MGMT: variants seen among roughly 807,000 people sequenced by gnomAD.
MGMT encodes the protein methylated-DNA--protein-cysteine methyltransferase.
A neutral mutation model predicts 15.9 loss-of-function variants in MGMT; 14 were observed. The observed-to-expected ratio is 0.88, with a 90% CI of 0.58 to 1.37. The LOEUF is 1.37. Among genes scored for constraint, MGMT ranks in the 40% most tolerant of loss-of-function variants. The pLI, the probability that MGMT is intolerant of heterozygous loss-of-function variation, is 0.00. For missense variants in MGMT, 282 were observed against 268.1 expected (o/e 1.05, Z -0.36); for synonymous variants, 130 against 118.2 (o/e 1.10, Z -0.65).
chr10:129,552,807 A>C (rs1455689269), intron 2 of MGMT, among the ~76,000 whole-genome samples: 4 of 152,216 alleles, frequency 2.6e-5, no homozygotes, highest in Admixed American at 2.6e-4. Context: ...AAGTGCAAGC[A>C]GTCCGTCCTT....
intron 2 of MGMT, among the ~76,000 whole-genome samples, chr10:129,546,833 C>G (rs977704628): frequency 2.0e-5 from 3 of 152,208 alleles, no homozygotes; most frequent in African/African-American, 7.2e-5. Flanking sequence ...ATTAGTTTGA[C>G]TTCGGGATGC....
Position 129,659,081 on chromosome 10 carries a change from G to A in MGMT, c.126-48814G>A, listed in dbSNP as rs1420682650. 2.0e-5 allele frequency among the ~76,000 whole-genome samples: 3 copies of A among 152,140 alleles called. No homozygotes were observed. In the East Asian group the frequency reaches 5.8e-4, roughly 29 times the overall value. ...TGTTTCAGAAGATACTCAAGGCCGG[G>A]TGCAGTGGCTCACACCTGTAATCCC... On this transcript the variant is annotated intron_variant, in intron 2 of 4. Coordinates refer to ENST00000651593, the MANE Select transcript of MGMT (RefSeq NM_002412.5). The surrounding 1 kb of genome is among the most constrained non-coding windows in gnomAD (Gnocchi z 4.1).
At chr10:129,635,258 T>C (rs1374532870) in intron 2 of MGMT, among the ~76,000 whole-genome samples, 2 of 152,206 alleles carry the variant, frequency 1.3e-5, no homozygotes, top group Admixed American at 6.5e-5. Flanking sequence ...GGGTGACCTG[T>C]TGCAGATCTC....
chr10:129,766,695 A>G, intron 4 of MGMT, 93 bp from the exon 5 acceptor site: 1 of 1,179,310 alleles, frequency 8.5e-7, no homozygotes, highest in Non-Finnish European at 1.2e-6. Flanking sequence ...CTTGGTGGGC[A>G]CAGGACTCCT....
intron 2 of MGMT, among the ~76,000 whole-genome samples, chr10:129,597,183 A>G (rs981823089): frequency 4.6e-5 from 7 of 152,302 alleles, no homozygotes; most frequent in South Asian, 2.1e-4. Flanking sequence ...GTCCCAGGGT[A>G]TCTAGTACAT....
chr10:129,688,785 A>G (rs1236572609), intron 2 of MGMT, among the ~76,000 whole-genome samples: 2 of 152,172 alleles, frequency 1.3e-5, no homozygotes, highest in African/African-American at 4.8e-5. Context: ...CAACGTTTTT[A>G]TTCTGTATCA....
intron 2 of MGMT, among the ~76,000 whole-genome samples, chr10:129,676,339 C>G (rs1847785808): frequency 6.6e-6 from 1 of 152,210 alleles, no homozygotes; most frequent in African/African-American, 2.4e-5. Context: ...CCACCAGTTC[C>G]TTCTGTGAAC....
intron 4 of MGMT, among the ~76,000 whole-genome samples, chr10:129,760,280 T>G (rs1012653098): frequency 4.6e-5 from 7 of 152,170 alleles, no homozygotes; most frequent in Admixed American, 4.6e-4. Flanking sequence ...GGGTGCCCCG[T>G]CTGCGTGGCC....
At chr10:129,666,784 A>G (rs1486148865) in intron 2 of MGMT, among the ~76,000 whole-genome samples, 2 of 152,214 alleles carry the variant, frequency 1.3e-5, no homozygotes, top group African/African-American at 4.8e-5. Flanking sequence ...GAGAGTAGTG[A>G]TACTGTTGAT....
chr10:129,610,006 A>G (rs969139017), intron 2 of MGMT, among the ~76,000 whole-genome samples: 4 of 152,140 alleles, frequency 2.6e-5, no homozygotes, highest in Admixed American at 2.0e-4. Context: ...ATGAATAGAA[A>G]GCTTTAGGCA....
At chr10:129,512,784 C>T (rs1388274044) in intron 1 of MGMT, among the ~76,000 whole-genome samples, 1 of 152,130 alleles carries the variant, frequency 6.6e-6, no homozygotes, top group Admixed American at 6.5e-5. Context: ...GAAATTGGAA[C>T]CCTGTGTGTT....
In MGMT at chr10:129,559,511, T is replaced by C. The variant is rs1846253604; in HGVS notation, c.125+23134T>C. ...TTCTAGCTCCATTTTCCCATTTTTTTTAATGTTTTAGGGGAGATTTCTTTA... is the reference window on the plus strand; with the variant it reads ...TTCTAGCTCCATTTTCCCATTTTTTCTAATGTTTTAGGGGAGATTTCTTTA... On this transcript the variant is annotated intron_variant, in intron 2 of 4. Transcript: ENST00000651593. Among the ~76,000 whole-genome samples the C allele has an allele frequency of 2.6e-5, 4 of 152,288 alleles. No individual in the cohort carries two copies. The South Asian group carries it at 8.3e-4, about 32-fold the overall frequency.
intron 2 of MGMT, among the ~76,000 whole-genome samples, chr10:129,549,191 A>G (rs953199218): frequency 1.3e-5 from 2 of 152,192 alleles, no homozygotes; most frequent in African/African-American, 4.8e-5. Flanking sequence ...CATTTCCTTC[A>G]GTTCTTCTTC....
chr10:129,565,060 C>T (rs1463807433), intron 2 of MGMT, among the ~76,000 whole-genome samples: 3 of 152,334 alleles, frequency 2.0e-5, no homozygotes, highest in South Asian at 2.1e-4. Context: ...CACATTCTGC[C>T]GTCTTGGGAA....
At chr10:129,668,377 C>T (rs759260350) in intron 2 of MGMT, among the ~76,000 whole-genome samples, 9 of 151,656 alleles carry the variant, frequency 5.9e-5, no homozygotes, top group Non-Finnish European at 1.0e-4. Flanking sequence ...TGTTCCTGTT[C>T]TAGAAGTCAC....
At chr10:129,512,470 C>T (rs1845694513) in intron 1 of MGMT, among the ~76,000 whole-genome samples, 1 of 152,100 alleles carries the variant, frequency 6.6e-6, no homozygotes. Flanking sequence ...CTGTGACTTC[C>T]CCACACCAGG....
intron 3 of MGMT, among the ~76,000 whole-genome samples, chr10:129,751,739 A>T (rs1848752609): frequency 6.6e-6 from 1 of 151,764 alleles, no homozygotes; most frequent in African/African-American, 2.4e-5. Context: ...TACTCTTTTA[A>T]TTTTCCTTCA....
intron 1 of MGMT, among the ~76,000 whole-genome samples, chr10:129,521,294 T>G (rs568833979): frequency 6.6e-6 from 1 of 152,246 alleles, no homozygotes; most frequent in South Asian, 2.1e-4. Flanking sequence ...TGTCCCCCTG[T>G]TGCCCGGGGT....
At chr10:129,691,375 G>C (rs1157566604) in intron 2 of MGMT, among the ~76,000 whole-genome samples, 5 of 152,234 alleles carry the variant, frequency 3.3e-5, no homozygotes, top group Admixed American at 2.0e-4. Context: ...GGACTTGGGA[G>C]AGGCGGAGAG....
Sources: gnomAD v4.1 joint callset for allele counts (sites outside exome capture counted in the v4.1 genomes callset) on GRCh38, gnomAD v4.1.1 for gene constraint, Gnocchi (gnomAD v3.1) non-coding constraint, MANE v1.5 for transcripts, NCBI Gene and HGNC (gene_info 2026-07-23, HGNC 2026-07-21) for gene names.